The following TYW1 variants were observed in gnomAD, a reference collection of about 807,000 sequenced individuals.
TYW1 encodes tRNA-yW synthesizing protein 1 homolog.
In TYW1, 46 loss-of-function variants were observed where a neutral mutation model predicts 96.2. The ratio of observed to expected loss-of-function variants is 0.48; its 90% confidence interval spans 0.38 to 0.61. The LOEUF (loss-of-function observed/expected upper bound fraction) is 0.61. TYW1 is among the 20% of genes least tolerant of loss of function. TYW1 has a pLI of 0.00. For missense variants in TYW1, 684 were observed against 909.6 expected (o/e 0.75, Z 3.19); for synonymous variants, 274 against 323.0 (o/e 0.85, Z 1.63).
In TYW1 at chr7:67,173,043, A is replaced by G. The variant is rs553625539; in HGVS notation, c.1699-10083A>G. Among the ~76,000 whole-genome samples the G allele has an allele frequency of 5.3e-4, 81 of 152,340 alleles. 2 individuals are homozygous for G. The highest frequency in any genetic ancestry group is 1.9e-3 in the South Asian group (9 of 4,830). ...GAGTGAAACCCTGTCTCAAAAAACAAAAACAAAAAAATTAAAAACAAAATA... is the reference window on the plus strand; with the variant it reads ...GAGTGAAACCCTGTCTCAAAAAACAGAAACAAAAAAATTAAAAACAAAATA... On this transcript the variant is annotated intron_variant, in intron 13 of 15. Coordinates refer to ENST00000359626, the MANE Select transcript of TYW1 (RefSeq NM_018264.4).
intron 13 of TYW1, among the ~76,000 whole-genome samples, chr7:67,138,590 G>A (rs1298045193): frequency 2.0e-5 from 3 of 151,600 alleles, no homozygotes; most frequent in Non-Finnish European, 4.4e-5. Context: ...TCTATTTTTT[G>A]TACCCATTAA....
intron 13 of TYW1, among the ~76,000 whole-genome samples, chr7:67,143,971 T>A (rs191785514): frequency 1.5e-3 from 222 of 152,380 alleles, no homozygotes; most frequent in South Asian, 2.7e-3. Flanking sequence ...TGACATTTTC[T>A]CATGTTTTCC....
intron 14 of TYW1, among the ~76,000 whole-genome samples, chr7:67,187,524 T>C (rs1453329639): frequency 6.6e-6 from 1 of 152,234 alleles, no homozygotes; most frequent in African/African-American, 2.4e-5. Flanking sequence ...GTCAGTCTCA[T>C]GCTTTGTTAA....
chr7:67,134,033 A>C (rs1209656913), intron 13 of TYW1, among the ~76,000 whole-genome samples: 1 of 151,914 alleles, frequency 6.6e-6, no homozygotes, highest in Non-Finnish European at 1.5e-5. Flanking sequence ...CATCAACTCC[A>C]GACTTGCATG....
chr7:67,070,746 A>G (rs1796004305), intron 10 of TYW1, among the ~76,000 whole-genome samples: 1 of 152,236 alleles, frequency 6.6e-6, no homozygotes. Context: ...TCTAATGCCT[A>G]TGCCTCCTCA....
chr7:67,049,252 T>C (rs1250913312), intron 7 of TYW1, among the ~76,000 whole-genome samples: 1 of 152,254 alleles, frequency 6.6e-6, no homozygotes, highest in African/African-American at 2.4e-5. Flanking sequence ...ATTGCTATTA[T>C]TATTTTTCGC....
intron 9 of TYW1, among the ~76,000 whole-genome samples, chr7:67,057,614 A>G (rs1460225079): frequency 6.6e-6 from 1 of 150,502 alleles, no homozygotes; most frequent in Middle Eastern, 3.5e-3. Context: ...CAAGCGATCC[A>G]TGCACCTCAG....
intron 13 of TYW1, among the ~76,000 whole-genome samples, chr7:67,127,602 A>G (rs1030732326): frequency 3.3e-5 from 5 of 152,194 alleles, no homozygotes; most frequent in African/African-American, 1.2e-4. Context: ...CTGTTGGATG[A>G]ATTAAGAATA....
In TYW1 at chr7:67,235,860, C is replaced by G. The variant is rs1177935165; in HGVS notation, c.1978-2448C>G. Among the ~76,000 whole-genome samples the G allele has an allele frequency of 2.8e-5, 4 of 144,076 alleles. No individual in the cohort carries two copies. In the East Asian group the frequency reaches 6.0e-4, roughly 22 times the overall value. The allele number at this position is 144,076 out of a possible 152,430, so 94.5% of individuals were successfully genotyped here. A position where few individuals can be genotyped will look rare whatever the true frequency, so the allele number is the denominator to read the frequency against. On this transcript the variant is annotated intron_variant, in intron 15 of 15. Coordinates refer to ENST00000359626, the MANE Select transcript of TYW1 (RefSeq NM_018264.4). ...AGTGAGCCGAGATAGCACCACTGCA[C>G]TCCAGCCTGGGAGACAGAGCGAGAC... is the stretch of plus-strand genomic sequence containing the variant.
intron 9 of TYW1, among the ~76,000 whole-genome samples, chr7:67,056,760 G>T (rs1383632928): frequency 6.6e-6 from 1 of 152,158 alleles, no homozygotes; most frequent in South Asian, 2.1e-4. Flanking sequence ...ACAAGACTTT[G>T]TGAATGTAAA....
intron 11 of TYW1, chr7:67,089,542 A>G: frequency 1.5e-6 from 1 of 661,722 alleles, no homozygotes; most frequent in Non-Finnish European, 2.6e-6. Flanking sequence ...CCACCCCATG[A>G]CAAAGAACGC....
intron 7 of TYW1, among the ~76,000 whole-genome samples, chr7:67,030,845 G>C (rs1794646503): frequency 6.6e-6 from 1 of 151,850 alleles, no homozygotes. Context: ...GGCCAAACTT[G>C]GAACAATTAG....
chr7:67,160,612 A>G (rs58706573), intron 13 of TYW1, among the ~76,000 whole-genome samples: 32,832 of 136,880 alleles, frequency 0.24, 4,517 homozygotes, highest in African/African-American at 0.33. Context: ...ACTTTTTTGA[A>G]TTGGAGTCTC....
chr7:67,218,468 C>T (rs1801274753), intron 15 of TYW1, among the ~76,000 whole-genome samples: 1 of 151,976 alleles, frequency 6.6e-6, no homozygotes. Flanking sequence ...ATCCTCCCAC[C>T]TCAGCCTCCT....
chr7:67,012,847 A>C (rs1793860126), intron 4 of TYW1, among the ~76,000 whole-genome samples: 1 of 151,962 alleles, frequency 6.6e-6, no homozygotes, highest in Non-Finnish European at 1.5e-5. Context: ...TTTTGTGTTT[A>C]GACTTGATAT....
At chr7:67,039,974 T>C (rs1299511407) in intron 7 of TYW1, among the ~76,000 whole-genome samples, 1 of 151,640 alleles carries the variant, frequency 6.6e-6, no homozygotes, top group African/African-American at 2.4e-5. Context: ...TTTTTTTTTT[T>C]GAGATGGAGT....
At chr7:67,152,052 C>G (rs547499820) in intron 13 of TYW1, among the ~76,000 whole-genome samples, 93 of 140,332 alleles carry the variant, frequency 6.6e-4, no homozygotes, top group African/African-American at 2.1e-3. Flanking sequence ...CTCAAGTGAT[C>G]TTCTCACCTT....
intron 13 of TYW1, among the ~76,000 whole-genome samples, chr7:67,153,035 G>A (rs1798853170): frequency 6.6e-6 from 1 of 152,126 alleles, no homozygotes; most frequent in Non-Finnish European, 1.5e-5. Context: ...ACCAGGGGGA[G>A]GTCATTTTTC....
In TYW1 at chr7:67,083,511, C is replaced by G. The variant is rs1796446810; in HGVS notation, c.1356C>G (p.Asn452Lys). 1 of 1,614,006 alleles carries G rather than the reference C, an allele frequency of 6.2e-7. No homozygotes were observed. The highest frequency in any genetic ancestry group is 1.7e-5 in the Admixed American group (1 of 59,982). ...TGATCTTGAAGGAAGCCATTGAAAA[C>G]CATCAGAACATGATTAAGCAGTTTA... ...PEMILKEAIE[N>K]HQNMIKQFKG... The change falls in exon 11 of 16, where the codon AAC becomes AAG. Residue 452 changes from asparagine to lysine, a missense_variant. Asn to Lys is a moderately conservative substitution (Grantham distance 94). Transcript: ENST00000359626.
Sources: allele counts gnomAD v4.1 joint callset (sites outside exome capture counted in the v4.1 genomes callset), GRCh38; gene constraint gnomAD v4.1.1; transcripts MANE v1.5; gene names NCBI Gene and HGNC (gene_info 2026-07-23, HGNC 2026-07-21).